BRINP1: variants seen among roughly 807,000 people sequenced by gnomAD.
BRINP1 encodes BMP/retinoic acid-inducible neural-specific protein 1.
Under a neutral mutation model 72.9 loss-of-function variants are expected in BRINP1, and 17 were observed. The observed-to-expected ratio is 0.23, with a 90% confidence interval of 0.16 to 0.35. The LOEUF (loss-of-function observed/expected upper bound fraction) is 0.35. Among genes scored for constraint, BRINP1 ranks in the 10% least tolerant of loss-of-function variants. The probability of loss-of-function intolerance (pLI) is 1.00; values close to 1 mark genes in which losing one functional copy is unlikely to be tolerated. For synonymous variants in BRINP1, 418 were observed against 378.5 expected, an observed-to-expected ratio of 1.10 and a Z score of -1.21; for missense variants, 850 against 1,001.6, an observed-to-expected ratio of 0.85 and a Z score of 2.04.
chr9:119,336,923 A>C (rs1169095460), intron 1 of BRINP1, among the ~76,000 whole-genome samples: 1 of 152,180 alleles, frequency 6.6e-6, no homozygotes, highest in African/African-American at 2.4e-5. Context: ...CTAAATGGAC[A>C]GGCATCTGAT....
chr9:119,283,308 C>T (rs1387512469), intron 2 of BRINP1: 1 of 442,898 alleles, frequency 2.3e-6, no homozygotes, highest in Admixed American at 6.4e-5. Flanking sequence ...CCCAGACAGA[C>T]CCAGTGACTC....
At chr9:119,281,995 TGTGA>T (rs1230303745) in intron 2 of BRINP1, among the ~76,000 whole-genome samples, 9 of 152,250 alleles carry the variant, frequency 5.9e-5, no homozygotes, top group Non-Finnish European at 8.8e-5. Context: ...CTGCACACAT[TGTGA>T]GTATTTCTTA....
intron 7 of BRINP1, among the ~76,000 whole-genome samples, chr9:119,201,180 A>G (rs140477748): frequency 1.3e-5 from 2 of 152,354 alleles, no homozygotes; most frequent in Non-Finnish European, 2.9e-5. Context: ...TGACTAGAGT[A>G]GATTCTGGGA....
At chr9:119,170,274 A>T (rs527619479) in intron 7 of BRINP1, among the ~76,000 whole-genome samples, 1 of 152,110 alleles carries the variant, frequency 6.6e-6, no homozygotes, top group African/African-American at 2.4e-5. Context: ...ACCAATACAG[A>T]GAAGTGCTTA....
chr9:119,310,409 T>C (rs1029335377), intron 2 of BRINP1, among the ~76,000 whole-genome samples: 1 of 152,190 alleles, frequency 6.6e-6, no homozygotes, highest in African/African-American at 2.4e-5. Flanking sequence ...TAAAGCAACA[T>C]GAGAAGAGGC....
intron 2 of BRINP1, among the ~76,000 whole-genome samples, chr9:119,255,680 G>T (rs1830438623): frequency 6.6e-6 from 1 of 152,064 alleles, no homozygotes; most frequent in South Asian, 2.1e-4. Flanking sequence ...GAGGCCAGGT[G>T]CAGTGGCTCA....
intron 3 of BRINP1, among the ~76,000 whole-genome samples, chr9:119,244,575 G>A (rs755902909): frequency 5.9e-5 from 9 of 152,184 alleles, no homozygotes; most frequent in Non-Finnish European, 1.5e-5. Context: ...TGAGCCATGA[G>A]GCAGAGGAAA....
At chr9:119,178,614 C>G (rs1829516569) in intron 7 of BRINP1, among the ~76,000 whole-genome samples, 1 of 152,162 alleles carries the variant, frequency 6.6e-6, no homozygotes, top group Non-Finnish European at 1.5e-5. Flanking sequence ...TGACTTACAA[C>G]TATTGAGTTC....
chr9:119,268,663 T>C (rs1830578248), intron 2 of BRINP1, among the ~76,000 whole-genome samples: 1 of 152,236 alleles, frequency 6.6e-6, no homozygotes, highest in African/African-American at 2.4e-5. Flanking sequence ...TTACACCTTA[T>C]TTCTTTTCTC....
intron 2 of BRINP1, among the ~76,000 whole-genome samples, chr9:119,280,637 T>G (rs1830701574): frequency 6.6e-6 from 1 of 152,158 alleles, no homozygotes; most frequent in Non-Finnish European, 1.5e-5. Context: ...GGAATCTCAC[T>G]ACTCAAGTTT....
rs369506093 is a variant in BRINP1, at chr9:119,213,989, C to G, written c.852G>C (p.Gln284His). Reference protein sequence around the residue: ...PQCNCPITDIQIMEYTLANMA... With the variant: ...PQCNCPITDIHIMEYTLANMA... The stretch of plus-strand genomic sequence containing the variant: ...TGTTGGCCAGCGTGTACTCCATGAT[C>G]TGGATGTCCGTGATGGGGCAGTTGC... Residue 284 changes from glutamine (Q) to histidine (H), a missense_variant, in exon 6 of 8, where the codon CAG becomes CAC. Coordinates refer to ENST00000265922, the MANE Select transcript of BRINP1 (RefSeq NM_014618.3). 2.2e-5 allele frequency: 36 copies of G among 1,614,174 alleles called. No individual in the cohort carries two copies. The highest frequency in any genetic ancestry group is 2.8e-5 in the Non-Finnish European group (33 of 1,180,026).
intron 4 of BRINP1, among the ~76,000 whole-genome samples, chr9:119,239,204 C>T (rs982388880): frequency 7.2e-5 from 11 of 152,180 alleles, no homozygotes; most frequent in African/African-American, 2.2e-4. Flanking sequence ...AGACCAGGTA[C>T]GATGGGTCTA....
At chr9:119,291,487 C>A (rs1403548586) in intron 2 of BRINP1, among the ~76,000 whole-genome samples, 1 of 152,126 alleles carries the variant, frequency 6.6e-6, no homozygotes, top group Non-Finnish European at 1.5e-5. Context: ...TATTAAATAC[C>A]TTTTCTTACT....
Position 119,168,111 on chromosome 9 carries a change from G to T in BRINP1, c.1259C>A (p.Thr420Lys). The change falls in exon 8 of 8, where the codon ACG becomes AAG. Residue 420 changes from threonine to lysine, a missense_variant. Coordinates refer to ENST00000265922, the MANE Select transcript of BRINP1 (RefSeq NM_014618.3). Reference protein sequence around the residue: ...QRSCVCHGSTTLCQRPIPCVI... With the variant: ...QRSCVCHGSTKLCQRPIPCVI... ...GCAGGGGATGGGGCGCTGGCACAGC[G>T]TGGTGCTGCCGTGGCACACGCAGCT... The T allele has an allele frequency of 6.2e-7, 1 of 1,608,558 alleles. No individual in the cohort carries two copies.
chr9:119,177,096 C>T (rs1365859208), intron 7 of BRINP1, among the ~76,000 whole-genome samples: 1 of 152,192 alleles, frequency 6.6e-6, no homozygotes, highest in East Asian at 1.9e-4. Context: ...TCTACAAATG[C>T]TTGCTGAGTG....
At position 119,174,010 on chromosome 9, in the gene BRINP1, C is replaced by T. The variant is rs532278723; in HGVS notation, c.1146-5786G>A. 5.9e-4 allele frequency among the ~76,000 whole-genome samples: 58 copies of T among 98,640 alleles called. 8 individuals are homozygous for T. In the South Asian group the frequency reaches 7.1e-3, roughly 12 times the overall value. 64.7% of individuals were successfully genotyped at this position (98,640 alleles called of 152,430 possible). ...ATTCAAGATGGATTAAAGACTTAAACGTTAGACAGAAAACCTAGGCATTAC... is the reference window on the plus strand; with the variant it reads ...ATTCAAGATGGATTAAAGACTTAAATGTTAGACAGAAAACCTAGGCATTAC... On this transcript the variant is annotated intron_variant, in intron 7 of 7. Transcript: ENST00000265922.
intron 1 of BRINP1, among the ~76,000 whole-genome samples, chr9:119,316,433 T>C (rs752237058): frequency 4.6e-5 from 7 of 152,152 alleles, no homozygotes; most frequent in African/African-American, 7.2e-5. Flanking sequence ...TATCTGAAGA[T>C]GTCGATGATT....
chr9:119,183,303 A>T (rs1300986159), intron 7 of BRINP1, among the ~76,000 whole-genome samples: 1 of 152,230 alleles, frequency 6.6e-6, no homozygotes, highest in Non-Finnish European at 1.5e-5. Flanking sequence ...AATATTTTTG[A>T]GAATGAGTGA....
Position 119,167,736 on chromosome 9 carries a change from G to C in BRINP1, c.1634C>G (p.Ser545Cys). 6.2e-7 allele frequency: 1 copy of C among 1,614,116 alleles called. No individual in the cohort carries two copies. The highest frequency in any genetic ancestry group is 8.5e-7 in the Non-Finnish European group (1 of 1,180,008). The change falls in exon 8 of 8, where the codon TCC (serine) becomes TGC (cysteine). Residue 545 changes from serine (S) to cysteine (C), a missense_variant. Physicochemically the swap from Ser to Cys is moderately radical, Grantham distance 112. Coordinates refer to ENST00000265922, the MANE Select transcript of BRINP1 (RefSeq NM_014618.3). The surrounding 1 kb of genome is among the most constrained non-coding windows in gnomAD (Gnocchi z 4.3). ...MDFIHMVIGM[S>C]MRICQMRNSS... ...GTTGCGCATCTGGCAGATGCGCATG[G>C]ACATGCCGATCACCATGTGGATGAA...
Sources: allele counts gnomAD v4.1 joint callset (sites outside exome capture counted in the v4.1 genomes callset), GRCh38; gene constraint gnomAD v4.1.1; non-coding constraint Gnocchi (gnomAD v3.1); transcripts MANE v1.5; gene names NCBI Gene and HGNC (gene_info 2026-07-23, HGNC 2026-07-21).